Variants in FRMPD1 observed in about 807,000 individuals in gnomAD.
The protein encoded by FRMPD1 is FERM and PDZ domain containing 1.
A neutral mutation model predicts 117.8 loss-of-function variants in FRMPD1; 76 were observed. That is an observed-to-expected ratio of 0.65 (90% CI 0.54 to 0.78). The LOEUF (loss-of-function observed/expected upper bound fraction) is 0.78. Ranked by LOEUF, FRMPD1 falls within the 30% of genes least tolerant of loss-of-function variation. The pLI is 0.00. For missense variants in FRMPD1, 1,786 were observed against 1,964.5 expected (o/e 0.91, Z 1.72); for synonymous variants, 783 against 770.4 (o/e 1.02, Z -0.27).
intron 2 of FRMPD1, among the ~76,000 whole-genome samples, chr9:37,701,361 A>G (rs1822523360): frequency 6.6e-6 from 1 of 152,068 alleles, no homozygotes; most frequent in African/African-American, 2.4e-5. Flanking sequence ...AGAGGACAAG[A>G]GACTTTGCAC....
chr9:37,743,408 T>C (rs1824514247), intron 15 of FRMPD1, among the ~76,000 whole-genome samples: 1 of 151,874 alleles, frequency 6.6e-6, no homozygotes. Context: ...ATAGAATTGC[T>C]GGCAAGCCTG....
chr9:37,699,903 G>GCACA (rs747728128), intron 2 of FRMPD1, among the ~76,000 whole-genome samples: 17 of 148,002 alleles, frequency 1.1e-4, no homozygotes, highest in African/African-American at 4.1e-4. Context: ...ATGCATGCAC[G>GCACA]CACACACACA....
the FRMPD1 span, among the ~76,000 whole-genome samples, chr9:37,626,108 C>T: frequency 1.3e-5 from 2 of 151,998 alleles, no homozygotes; most frequent in South Asian, 2.1e-4. Context: ...AGGCGAATCA[C>T]CTGAGGTTAG....
At chr9:37,631,725 T>G in the FRMPD1 span, among the ~76,000 whole-genome samples, 3 of 152,184 alleles carry the variant, frequency 2.0e-5, no homozygotes, top group African/African-American at 4.8e-5. Flanking sequence ...TGCCTTAGCC[T>G]CCTGAGCAGC....
intron 4 of FRMPD1, among the ~76,000 whole-genome samples, chr9:37,711,048 T>C (rs562811809): frequency 3.3e-5 from 5 of 152,132 alleles, no homozygotes; most frequent in African/African-American, 1.2e-4. Flanking sequence ...AAATTAAGGC[T>C]AAGTGCCTTA....
chr9:37,742,025 G>C (rs1366512794), intron 15 of FRMPD1, among the ~76,000 whole-genome samples: 1 of 152,220 alleles, frequency 6.6e-6, no homozygotes, highest in Non-Finnish European at 1.5e-5. Context: ...ATATTTACTT[G>C]TATGATTCTG....
chr9:37,692,235 A>T (rs916822226), intron 1 of FRMPD1, among the ~76,000 whole-genome samples: 2 of 152,236 alleles, frequency 1.3e-5, no homozygotes, highest in South Asian at 2.1e-4. Context: ...GAATGCTTCC[A>T]TGTCCATGGG....
chr9:37,659,929 A>AAC (rs1323963127), intron 1 of FRMPD1, among the ~76,000 whole-genome samples: 3 of 150,226 alleles, frequency 2.0e-5, no homozygotes, highest in Non-Finnish European at 3.0e-5. Flanking sequence ...AAAAAAAAAA[A>AAC]AAAAACAAAA....
chr9:37,724,462 T>A, intron 7 of FRMPD1, 142 bp downstream of exon 7: 2 of 560,276 alleles, frequency 3.6e-6, no homozygotes, highest in South Asian at 4.5e-5. Context: ...CCAGGTGCCA[T>A]GTTATCTCAT....
intron 1 of FRMPD1, among the ~76,000 whole-genome samples, chr9:37,686,424 A>G (rs1821950202): frequency 6.6e-6 from 1 of 152,258 alleles, no homozygotes; most frequent in South Asian, 2.1e-4. Context: ...GGGACCGTAG[A>G]GAAGATTCAA....
At chr9:37,667,078 T>TTTTTTTTTTTTTTC (rs1588910743) in intron 1 of FRMPD1, among the ~76,000 whole-genome samples, 1 of 149,358 alleles carries the variant, frequency 6.7e-6, no homozygotes, top group African/African-American at 2.5e-5. Context: ...TTTTTTTTTT[T>TTTTTTTTTTTTTTC]CCTGAGACAG....
chr9:37,622,348 T>C, the FRMPD1 span, among the ~76,000 whole-genome samples: 1 of 152,230 alleles, frequency 6.6e-6, no homozygotes, highest in African/African-American at 2.4e-5. Context: ...ATGTGTGAAC[T>C]CTTAAAATGT....
the FRMPD1 span, among the ~76,000 whole-genome samples, chr9:37,629,121 C>T: frequency 8.5e-4 from 130 of 152,244 alleles, 1 homozygote; most frequent in Admixed American, 1.1e-3. Flanking sequence ...ATCGCTTGAA[C>T]TCGGGAGGCG....
At chr9:37,675,239 A>G (rs1821484496) in intron 1 of FRMPD1, among the ~76,000 whole-genome samples, 1 of 152,056 alleles carries the variant, frequency 6.6e-6, no homozygotes, top group Admixed American at 6.5e-5. Context: ...CTTGGCCAAC[A>G]TGGTGAAACT....
the FRMPD1 span, among the ~76,000 whole-genome samples, chr9:37,607,176 A>G: frequency 6.6e-6 from 1 of 152,092 alleles, no homozygotes; most frequent in South Asian, 2.1e-4. Context: ...TTAGCCAAGC[A>G]TGGTGGCTCG....
Position 37,744,770 on chromosome 9 carries a change from G to A in FRMPD1, c.2738G>A (p.Ser913Asn). 2 of 1,614,112 alleles carry A rather than the reference G, an allele frequency of 1.2e-6. No homozygotes were observed. The highest frequency in any genetic ancestry group is 1.7e-6 in the Non-Finnish European group (2 of 1,180,016). Residue 913 changes from serine (S) to asparagine (N), a missense_variant, in exon 16 of 16, where the codon AGC (serine) becomes AAC (asparagine). Physicochemically the swap from Ser to Asn is conservative, Grantham distance 46. Transcript: ENST00000377765. ...GLLAPLRETK[S>N]TNPASRVMEM... is the part of the protein sequence containing the mutation. ...CTGGCTCCTCTGAGGGAGACCAAGA[G>A]CACAAACCCAGCCTCCAGGGTCATG...
chr9:37,678,220 TTCTA>T (rs1406886273), intron 1 of FRMPD1, among the ~76,000 whole-genome samples: 1 of 150,818 alleles, frequency 6.6e-6, no homozygotes, highest in Non-Finnish European at 1.5e-5. Flanking sequence ...TCGATGCTGA[TTCTA>T]TCTCTTTTCC....
chr9:37,658,052 A>G (rs1015118758), intron 1 of FRMPD1, among the ~76,000 whole-genome samples: 10 of 152,052 alleles, frequency 6.6e-5, no homozygotes, highest in Admixed American at 5.9e-4. Flanking sequence ...CTTCCCTATG[A>G]CAGCTAGTTA....
chr9:37,743,987 G>A (rs1247166353), intron 15 of FRMPD1, among the ~76,000 whole-genome samples: 2 of 151,766 alleles, frequency 1.3e-5, no homozygotes, highest in Non-Finnish European at 2.9e-5. Flanking sequence ...TCAGGAGTTC[G>A]AGACCACCCT....
Sources: allele counts gnomAD v4.1 joint callset (sites outside exome capture counted in the v4.1 genomes callset), GRCh38; gene constraint gnomAD v4.1.1; transcripts MANE v1.5; gene names NCBI Gene and HGNC (gene_info 2026-07-23, HGNC 2026-07-21).